CACNA1E: variants seen among roughly 807,000 people sequenced by gnomAD.
The protein encoded by CACNA1E is calcium voltage-gated channel subunit alpha1 E, also known as voltage-dependent R-type calcium channel subunit alpha-1E.
Under a neutral mutation model 259.2 loss-of-function variants are expected in CACNA1E, and 40 were observed. That is an observed-to-expected ratio of 0.15 (90% CI 0.12 to 0.20). The LOEUF (loss-of-function observed/expected upper bound fraction) is 0.20. CACNA1E is among the 10% of genes least tolerant of loss of function. The pLI is 1.00. For synonymous variants in CACNA1E, 1,104 were observed against 1,138.5 expected (o/e 0.97, Z 0.61); for missense variants, 1,874 against 3,040.1 (o/e 0.62, Z 9.02).
intron 8 of CACNA1E, among the ~76,000 whole-genome samples, chr1:181,713,147 T>C (rs1400580500): frequency 6.6e-6 from 1 of 152,114 alleles, no homozygotes; most frequent in Non-Finnish European, 1.5e-5. Flanking sequence ...GGGGGATGGC[T>C]TCAGCAAATC....
chr1:181,453,597 G>A (rs1661286566), intron 2 of CACNA1E, among the ~76,000 whole-genome samples: 1 of 152,206 alleles, frequency 6.6e-6, no homozygotes, highest in Non-Finnish European at 1.5e-5. Flanking sequence ...TTCCAAATGA[G>A]AACATTAGTA....
At chr1:181,534,963 G>A (rs1445479110) in intron 3 of CACNA1E, among the ~76,000 whole-genome samples, 1 of 152,006 alleles carries the variant, frequency 6.6e-6, no homozygotes, top group African/African-American at 2.4e-5. Context: ...AGAGGAGGTG[G>A]CAAAAGGTGT....
rs188477220 is a variant in CACNA1E, at chr1:181,752,282, A to G, written c.3828+43A>G. The G allele has an allele frequency of 5.7e-3, 7,975 of 1,390,266 alleles. 36 individuals carry two copies. Among genetic ancestry groups the G allele is most frequent in the Non-Finnish European group, 6.5e-3 (6,316 of 975,846 alleles). The allele number at this position is 1,390,266 out of a possible 1,614,324, so 86.1% of individuals were successfully genotyped here. ...TGTTCCCATCAAATCCCCTTCTCCC[A>G]TCTTCTCTCTTTAGCCATGGCTGGC... On this transcript the variant is annotated intron_variant, in intron 27 of 47. Coordinates refer to ENST00000367573, the MANE Select transcript of CACNA1E (RefSeq NM_001205293.3).
chr1:181,436,708 G>A (rs1038836059), intron 2 of CACNA1E, among the ~76,000 whole-genome samples: 1 of 152,000 alleles, frequency 6.6e-6, no homozygotes, highest in African/African-American at 2.4e-5. Flanking sequence ...TGGGGACGAG[G>A]GGGGTGGATG....
At chr1:181,549,887 T>G (rs1453375881) in intron 3 of CACNA1E, among the ~76,000 whole-genome samples, 1 of 152,088 alleles carries the variant, frequency 6.6e-6, no homozygotes, top group Non-Finnish European at 1.5e-5. Flanking sequence ...GAGCTCTAGG[T>G]CTGTGTACTG....
chr1:181,767,841 C>T (rs969614081), intron 35 of CACNA1E, among the ~76,000 whole-genome samples: 24 of 152,260 alleles, frequency 1.6e-4, no homozygotes, highest in African/African-American at 5.1e-4. Flanking sequence ...GGCTTTGTAA[C>T]GTTCATGAAG....
chr1:181,668,599 A>G (rs1648485853), intron 7 of CACNA1E: 1 of 152,184 alleles, frequency 6.6e-6, no homozygotes, highest in African/African-American at 2.4e-5. Context: ...GTTCCATTTT[A>G]CATTCTTGCT....
intron 1 of CACNA1E, among the ~76,000 whole-genome samples, chr1:181,489,688 C>G (rs931104255): frequency 1.3e-5 from 2 of 152,196 alleles, no homozygotes; most frequent in Non-Finnish European, 2.9e-5. Context: ...GGTTTTCACA[C>G]TGATAAATGC....
chr1:181,538,666 A>G (rs1044973950), intron 3 of CACNA1E, among the ~76,000 whole-genome samples: 11 of 152,006 alleles, frequency 7.2e-5, no homozygotes, highest in African/African-American at 1.2e-4. Flanking sequence ...TGTGTTTGGG[A>G]AAAAAAAAAC....
chr1:181,339,791 T>C (rs1352587531), intron 1 of CACNA1E, among the ~76,000 whole-genome samples: 1 of 152,138 alleles, frequency 6.6e-6, no homozygotes, highest in Non-Finnish European at 1.5e-5. Context: ...CTGTGAATGA[T>C]TGTTTATATC....
intron 1 of CACNA1E, among the ~76,000 whole-genome samples, chr1:181,496,184 T>C (rs368874567): frequency 3.9e-5 from 6 of 152,252 alleles, no homozygotes; most frequent in Non-Finnish European, 8.8e-5. Context: ...ATGTTTCTAA[T>C]GCTGATTTTA....
chr1:181,693,798 G>T (rs941578429), intron 7 of CACNA1E, among the ~76,000 whole-genome samples: 2 of 151,994 alleles, frequency 1.3e-5, no homozygotes, highest in African/African-American at 4.8e-5. Context: ...AATAAAAGTT[G>T]AAATAAAGAA....
At chr1:181,579,434 G>T (rs887996381) in intron 5 of CACNA1E, among the ~76,000 whole-genome samples, 1 of 152,204 alleles carries the variant, frequency 6.6e-6, no homozygotes, top group Non-Finnish European at 1.5e-5. Context: ...CAAATATGTA[G>T]TTGGAAGATT....
At chr1:181,503,696 G>A (rs1490860260) in intron 1 of CACNA1E, among the ~76,000 whole-genome samples, 1 of 152,192 alleles carries the variant, frequency 6.6e-6, no homozygotes. Context: ...CTGTATTTGT[G>A]CAACACTTTA....
chr1:181,793,601 C>T, intron 44 of CACNA1E, 64 bp from the exon 45 acceptor site: 1 of 1,558,964 alleles, frequency 6.4e-7, no homozygotes, highest in Non-Finnish European at 8.7e-7. Context: ...GAATTGTCCA[C>T]TGGACGTGAG....
At chr1:181,538,355 T>C (rs1572141479) in intron 3 of CACNA1E, among the ~76,000 whole-genome samples, 1 of 152,236 alleles carries the variant, frequency 6.6e-6, no homozygotes, top group African/African-American at 2.4e-5. Flanking sequence ...ATATATTACA[T>C]GCATTTTTAT....
chr1:181,553,884 T>C (rs184729579), intron 3 of CACNA1E, among the ~76,000 whole-genome samples: 16 of 152,342 alleles, frequency 1.1e-4, no homozygotes, highest in Admixed American at 4.6e-4. Flanking sequence ...TTTTTTGATA[T>C]AGTCACTGGT....
chr1:181,719,597 C>A (rs1477593082), intron 12 of CACNA1E, among the ~76,000 whole-genome samples, 154 bp from the exon 13 acceptor site: 1 of 152,182 alleles, frequency 6.6e-6, no homozygotes, highest in Non-Finnish European at 1.5e-5. Flanking sequence ...CAGCTTCCCA[C>A]ATAGGTAGTT....
intron 1 of CACNA1E, among the ~76,000 whole-genome samples, chr1:181,383,785 T>C (rs1269722070): frequency 2.0e-5 from 3 of 152,220 alleles, no homozygotes; most frequent in Non-Finnish European, 4.4e-5. Flanking sequence ...GGTATGAACA[T>C]GTGACCAAAC....
Sources: gnomAD v4.1 joint callset for allele counts (sites outside exome capture counted in the v4.1 genomes callset) on GRCh38, gnomAD v4.1.1 for gene constraint, MANE v1.5 for transcripts, NCBI Gene and HGNC (gene_info 2026-07-23, HGNC 2026-07-21) for gene names.